Variants in ARHGEF11 observed in about 807,000 individuals in gnomAD.
ARHGEF11 encodes the protein Rho guanine exchange factor (GEF) 11.
ARHGEF11 carries 55 observed loss-of-function variants against 193.7 expected under a neutral mutation model. That is an observed-to-expected ratio of 0.28 (90% confidence interval 0.23 to 0.36). The LOEUF (loss-of-function observed/expected upper bound fraction) is 0.36. Ranked by LOEUF, ARHGEF11 falls within the 10% of genes least tolerant of loss-of-function variation. The pLI, the probability that ARHGEF11 is intolerant of heterozygous loss-of-function variation, is 1.00. For synonymous variants in ARHGEF11, 693 were observed against 768.0 expected, an observed-to-expected ratio of 0.90 and a Z score of 1.62; for missense variants, 1,723 against 2,005.6, an observed-to-expected ratio of 0.86 and a Z score of 2.69.
At chr1:156,936,497 A>AAAAAAAAAAATAT (rs370282821) in intron 40 of ARHGEF11, among the ~76,000 whole-genome samples, 1 of 33,916 alleles carries the variant, frequency 2.9e-5, no homozygotes, top group African/African-American at 1.5e-4. Context: ...AAAAAAAAAA[A>AAAAAAAAAAATAT]ATATATATAT....
At chr1:156,962,042 T>C (rs956867615) in intron 13 of ARHGEF11, among the ~76,000 whole-genome samples, 12 of 152,134 alleles carry the variant, frequency 7.9e-5, no homozygotes, top group African/African-American at 2.9e-4. Flanking sequence ...TGTGGTAAAA[T>C]AATCCCCACC....
intron 1 of ARHGEF11, among the ~76,000 whole-genome samples, chr1:157,017,577 C>T (rs754632084): frequency 2.6e-5 from 4 of 151,762 alleles, no homozygotes; most frequent in East Asian, 1.9e-4. Flanking sequence ...CGTGGTGGCA[C>T]GCACCTGTAA....
In ARHGEF11 at chr1:156,941,368, T is replaced by C; in HGVS notation, c.3514+4A>G. The C allele has an allele frequency of 1.9e-6, 3 of 1,612,950 alleles. No individual in the cohort carries two copies. The highest frequency in any genetic ancestry group is 1.7e-6 in the Non-Finnish European group (2 of 1,179,306). ...GCTCCCACAGGACAGTTCAGGGCCC[T>C]TACCTCCAGGCAGCTCCTCAGGTTC... On this transcript the variant is annotated splice_donor_region_variant and intron_variant, in intron 35 of 40. Coordinates refer to ENST00000368194, the MANE Select transcript of ARHGEF11 (RefSeq NM_198236.3).
intron 1 of ARHGEF11, among the ~76,000 whole-genome samples, chr1:157,031,605 G>A (rs1299490271): frequency 6.6e-6 from 1 of 152,172 alleles, no homozygotes; most frequent in East Asian, 1.9e-4. Flanking sequence ...GCCCACTAAT[G>A]CACAGGGCAA....
At chr1:156,976,446 C>G (rs1210291718) in intron 7 of ARHGEF11, among the ~76,000 whole-genome samples, 1 of 152,116 alleles carries the variant, frequency 6.6e-6, no homozygotes, top group Admixed American at 6.6e-5. Context: ...GGGGAGGAAC[C>G]ATCTAATCTT....
At position 156,961,730 on chromosome 1, in the gene ARHGEF11, C is replaced by G; in HGVS notation, c.1186G>C (p.Asp396His). The G allele has an allele frequency of 6.2e-7, 1 of 1,614,200 alleles. No individual in the cohort carries two copies. The highest frequency in any genetic ancestry group is 8.5e-7 in the Non-Finnish European group (1 of 1,180,040). The change falls in exon 14 of 41, where the codon GAT becomes CAT. Residue 396 changes from aspartate (D) to histidine (H), a missense_variant. Asp to His is a moderately conservative substitution (Grantham distance 81, BLOSUM62 -1). Around this residue, in one of 5 missense-constraint regions of ARHGEF11, gnomAD observed 646 missense variants for 710.7 expected, o/e 0.91. Transcript: ENST00000368194. ...AEVYQQASPKDSRSLGKDIWN... is the reference protein window; with the variant it reads ...AEVYQQASPKHSRSLGKDIWN... Reference sequence around the variant, plus strand: ...ATGTCTTTCCCCAAGCTTCGGGAATCCTTGGGGCTTGCCTGCTGATAAACT... The same window carrying G: ...ATGTCTTTCCCCAAGCTTCGGGAATGCTTGGGGCTTGCCTGCTGATAAACT...
rs748134658 is a variant in ARHGEF11 at position 156,947,035 on chromosome 1, A to G, written c.2489-20T>C. 4.3e-6 allele frequency: 7 copies of G among 1,613,914 alleles called. No individual in the cohort carries two copies. In the South Asian group the frequency reaches 5.5e-5, roughly 13 times the overall value. On this transcript the variant is annotated intron_variant, in intron 26 of 40. Coordinates refer to ENST00000368194, the MANE Select transcript of ARHGEF11 (RefSeq NM_198236.3). ...AGGAATCTGGGGCAGGAAGAGAACA[A>G]ATAGAAATGCCTGGGGTTGAGCTCA...
chr1:156,938,719 A>G, intron 37 of ARHGEF11: 1 of 514,968 alleles, frequency 1.9e-6, no homozygotes, highest in Non-Finnish European at 3.4e-6. Flanking sequence ...CAGAGAAGGA[A>G]GGTCAGTTCC....
rs945343241 is a variant in ARHGEF11, at chr1:156,963,237, C to T, written c.1106G>A (p.Arg369His). Residue 369 changes from arginine (R) to histidine (H), a missense_variant, in exon 13 of 41, where the codon CGT (arginine) becomes CAT (histidine). Transcript: ENST00000368194. ...SRPAHLGVFLRYIFSQADPSP... is the reference protein window; with the variant it reads ...SRPAHLGVFLHYIFSQADPSP... ...GGGGTCCGCCTGAGAGAAGATGTAA[C>T]GTAGAAAAACCCCCAGGTGAGCTGG... 11 of 1,613,958 alleles carry T rather than the reference C, an allele frequency of 6.8e-6. No individual in the cohort carries two copies. The highest frequency in any genetic ancestry group is 1.3e-5 in the African/African-American group (1 of 74,894).
chr1:157,024,061 T>C (rs569942313), intron 1 of ARHGEF11, among the ~76,000 whole-genome samples: 5 of 151,226 alleles, frequency 3.3e-5, no homozygotes, highest in Admixed American at 2.0e-4. Context: ...AACAGATAAA[T>C]AGAAGGCGGT....
intron 7 of ARHGEF11, among the ~76,000 whole-genome samples, chr1:156,975,417 A>C (rs945834652): frequency 5.9e-5 from 9 of 152,188 alleles, no homozygotes; most frequent in Non-Finnish European, 1.3e-4. Context: ...TTTATTGCTG[A>C]GCTTTTAAGA....
chr1:156,991,575 C>G (rs897783004), intron 1 of ARHGEF11, among the ~76,000 whole-genome samples: 72 of 152,302 alleles, frequency 4.7e-4, no homozygotes, highest in African/African-American at 1.6e-3. Context: ...CTGCCTCGGC[C>G]TCCCAAAGCA....
chr1:157,033,023 T>C (rs1372752052), intron 1 of ARHGEF11, among the ~76,000 whole-genome samples: 1 of 152,134 alleles, frequency 6.6e-6, no homozygotes, highest in East Asian at 1.9e-4. Context: ...CTTTGCTCTC[T>C]CTACACCCTG....
intron 1 of ARHGEF11, among the ~76,000 whole-genome samples, chr1:156,991,477 G>C (rs775641838): frequency 3.2e-4 from 49 of 151,552 alleles, no homozygotes; most frequent in Non-Finnish European, 3.8e-4. Flanking sequence ...ACACCACCAC[G>C]CCTGGCTAAT....
chr1:156,948,416 C>G lies in ARHGEF11; in HGVS notation c.2008G>C (p.Val670Leu). 1.9e-6 allele frequency: 3 copies of G among 1,614,218 alleles called. No homozygotes were observed. The highest frequency in any genetic ancestry group is 2.5e-6 in the Non-Finnish European group (3 of 1,180,042). ...EMKRSRKAENVPRSRSDVDMD... is the reference protein window; with the variant it reads ...EMKRSRKAENLPRSRSDVDMD... ...TCAACATCACTGCGAGAGCGGGGCA[C>G]GTTCTCTGCCTTTCGAGACCGTTTC... Residue 670 changes from valine (V) to leucine (L), a missense_variant, in exon 23 of 41, where the codon GTG (valine) becomes CTG (leucine). Around this residue, in one of 5 missense-constraint regions of ARHGEF11, gnomAD observed 491 missense variants for 654.5 expected, o/e 0.75. Transcript: ENST00000368194. The surrounding 1 kb of genome is among the most constrained non-coding windows in gnomAD (Gnocchi z 4.2).
chr1:156,994,917 G>A (rs1666266228), intron 1 of ARHGEF11, among the ~76,000 whole-genome samples: 1 of 152,180 alleles, frequency 6.6e-6, no homozygotes, highest in African/African-American at 2.4e-5. Context: ...CAGTCAAACT[G>A]CAATCAATCT....
At chr1:157,037,147 A>C (rs1672146580) in intron 1 of ARHGEF11, among the ~76,000 whole-genome samples, 1 of 151,990 alleles carries the variant, frequency 6.6e-6, no homozygotes, top group Non-Finnish European at 1.5e-5. Flanking sequence ...TAAATAAATA[A>C]ATAAATTTGA....
Position 156,978,256 on chromosome 1 carries a change from G to C in ARHGEF11, c.458C>G (p.Pro153Arg). 1 of 1,614,208 alleles carries C rather than the reference G, an allele frequency of 6.2e-7. No homozygotes were observed. Among genetic ancestry groups the C allele is most frequent in the Non-Finnish European group, 8.5e-7 (1 of 1,180,038 alleles). Residue 153 changes from proline (P) to arginine (R), a missense_variant, in exon 6 of 41, where the codon CCT becomes CGT. Pro to Arg is a moderately radical substitution (Grantham distance 103, BLOSUM62 -2). Coordinates refer to ENST00000368194, the MANE Select transcript of ARHGEF11 (RefSeq NM_198236.3). Reference sequence around the variant, plus strand: ...TTGTGGAGGTGGTAGAGGTGGAGGAGGTGGTGGTGAGGGGATCACTGACGT... The same window carrying C: ...TTGTGGAGGTGGTAGAGGTGGAGGACGTGGTGGTGAGGGGATCACTGACGT... Reference protein sequence around the residue: ...RITSVIPSPPPPPPLPPPQRI... With the variant: ...RITSVIPSPPRPPPLPPPQRI...
chr1:156,978,320 G>A lies in ARHGEF11; in HGVS notation c.394C>T (p.Leu132Phe), dbSNP rs1283003247. The change falls in exon 6 of 41, where the codon CTC becomes TTC. Residue 132 changes from leucine (L) to phenylalanine (F), a missense_variant. Physicochemically the swap from Leu to Phe is conservative, Grantham distance 22 (BLOSUM62 0). Around this residue, in one of 5 missense-constraint regions of ARHGEF11, gnomAD observed 646 missense variants for 710.7 expected, o/e 0.91. Transcript: ENST00000368194. ...CCTGCTGGGGATGGGTCCTGCTGGA[G>A]CCCAGAGATGCCCATGGATGAAGGT... Reference protein sequence around the residue: ...SSPSSMGISGLQQDPSPAGAP... With the variant: ...SSPSSMGISGFQQDPSPAGAP... The A allele has an allele frequency of 6.2e-7, 1 of 1,613,986 alleles. No homozygotes were observed. The highest frequency in any genetic ancestry group is 8.5e-7 in the Non-Finnish European group (1 of 1,179,956).
Sources: allele counts gnomAD v4.1 joint callset (sites outside exome capture counted in the v4.1 genomes callset), GRCh38; gene constraint gnomAD v4.1.1; regional missense constraint gnomAD v4.1.1; non-coding constraint Gnocchi (gnomAD v3.1); transcripts MANE v1.5; gene names NCBI Gene and HGNC (gene_info 2026-07-23, HGNC 2026-07-21).